The following PPP1R13B variants were observed in gnomAD, a reference collection of about 807,000 sequenced individuals.
PPP1R13B encodes apoptosis-stimulating of p53 protein 1.
Under a neutral mutation model 119.8 loss-of-function variants are expected in PPP1R13B, and 44 were observed. That is an observed-to-expected ratio of 0.37 (90% CI 0.29 to 0.47). PPP1R13B has a LOEUF of 0.47. Ranked by LOEUF, PPP1R13B falls within the 20% of genes least tolerant of loss-of-function variation. PPP1R13B has a pLI of 0.99. For synonymous variants in PPP1R13B, 542 were observed against 561.5 expected (o/e 0.97, Z 0.49); for missense variants, 1,227 against 1,413.5 (o/e 0.87, Z 2.12).
At position 103,746,635 on chromosome 14, in the gene PPP1R13B, G is replaced by A. The variant is rs932581956; in HGVS notation, c.970-82C>T. ...GCTTAGTGCAAGAGACTGCCAGCTC[G>A]GACAGAAAGCACTCACTCAGTGGTT... On this transcript the variant is annotated intron_variant, in intron 8 of 16. Transcript: ENST00000202556. The A allele has an allele frequency of 1.0e-5, 13 of 1,247,338 alleles. No individual in the cohort carries two copies. In the Admixed American group the frequency reaches 1.4e-4, roughly 14 times the overall value. 77.3% of individuals were successfully genotyped at this position (1,247,338 alleles called of 1,614,324 possible). A position where few individuals can be genotyped will look rare whatever the true frequency, so the allele number is the denominator to read the frequency against.
chr14:103,778,893 G>T, intron 3 of PPP1R13B, 72 bp from the exon 4 acceptor site: 1 of 1,170,172 alleles, frequency 8.5e-7, no homozygotes, highest in Non-Finnish European at 1.3e-6. Context: ...ATTTCTTCAT[G>T]TATTCAAATA....
intron 2 of PPP1R13B, among the ~76,000 whole-genome samples, chr14:103,785,215 C>T (rs2085430551): frequency 7.4e-6 from 1 of 135,744 alleles, no homozygotes; most frequent in African/African-American, 2.9e-5. Flanking sequence ...ACTGTGTCTC[C>T]CATTCATTTG....
At chr14:103,794,209 A>G (rs929428868) in intron 2 of PPP1R13B, among the ~76,000 whole-genome samples, 1 of 152,198 alleles carries the variant, frequency 6.6e-6, no homozygotes, top group Middle Eastern at 3.2e-3. Context: ...AAAATAATGC[A>G]CAGATCCACA....
intron 4 of PPP1R13B, chr14:103,764,563 T>C: frequency 4.5e-6 from 1 of 220,790 alleles, no homozygotes; most frequent in Non-Finnish European, 9.6e-6. Flanking sequence ...TCAGTAGACA[T>C]AAAATTACCC....
intron 1 of PPP1R13B, among the ~76,000 whole-genome samples, chr14:103,812,743 G>A (rs1231934425): frequency 6.6e-6 from 1 of 152,174 alleles, no homozygotes; most frequent in Admixed American, 6.5e-5. Flanking sequence ...ATGGGCAAAT[G>A]ATCTGAACAG....
intron 7 of PPP1R13B, among the ~76,000 whole-genome samples, chr14:103,752,596 G>A (rs536974494): frequency 4.7e-5 from 7 of 149,802 alleles, no homozygotes; most frequent in South Asian, 2.1e-4. Flanking sequence ...GTGCAGTGGC[G>A]CAATCTTGGC....
intron 4 of PPP1R13B, among the ~76,000 whole-genome samples, chr14:103,768,108 T>C (rs1282015888): frequency 7.1e-6 from 1 of 141,744 alleles, no homozygotes; most frequent in Admixed American, 7.1e-5. Flanking sequence ...GGTAGTCACC[T>C]GAGTGTCTTC....
At chr14:103,836,776 G>GAAAAAAA (rs11394353) in intron 1 of PPP1R13B, among the ~76,000 whole-genome samples, 1 of 114,832 alleles carries the variant, frequency 8.7e-6, no homozygotes, top group Non-Finnish European at 1.9e-5. Flanking sequence ...TCTCAGAAAA[G>GAAAAAAA]AAAAAAAAAA....
chr14:103,823,854 G>C (rs2086470277), intron 1 of PPP1R13B, among the ~76,000 whole-genome samples: 1 of 151,166 alleles, frequency 6.6e-6, no homozygotes, highest in South Asian at 2.1e-4. Flanking sequence ...TCAACCAATA[G>C]AGGAAATAAA....
intron 1 of PPP1R13B, among the ~76,000 whole-genome samples, chr14:103,802,202 G>C (rs565739005): frequency 6.6e-6 from 1 of 151,932 alleles, no homozygotes; most frequent in African/African-American, 2.4e-5. Flanking sequence ...TAGTAATATC[G>C]GGAGGCTGAG....
At chr14:103,830,078 G>A (rs2086634548) in intron 1 of PPP1R13B, among the ~76,000 whole-genome samples, 1 of 148,828 alleles carries the variant, frequency 6.7e-6, no homozygotes, top group African/African-American at 2.5e-5. Context: ...CGCCTGGCCT[G>A]TATTTTTATT....
chr14:103,783,686 A>T (rs1046742095), intron 3 of PPP1R13B, among the ~76,000 whole-genome samples: 2 of 152,032 alleles, frequency 1.3e-5, no homozygotes, highest in Non-Finnish European at 2.9e-5. Context: ...CAAGTAGCTG[A>T]GACTACAGGG....
chr14:103,847,895 C>T (rs1196108478), upstream of PPP1R13B, among the ~76,000 whole-genome samples: 1 of 151,748 alleles, frequency 6.6e-6, no homozygotes, highest in Non-Finnish European at 1.5e-5. Flanking sequence ...GCCCGGGTCC[C>T]GCAGCGGATC....
intron 2 of PPP1R13B, among the ~76,000 whole-genome samples, chr14:103,796,361 C>T (rs1392947327): frequency 6.6e-6 from 1 of 152,118 alleles, no homozygotes; most frequent in Non-Finnish European, 1.5e-5. Context: ...GGCCAATATA[C>T]ACATGAAAAG....
chr14:103,786,142 C>T (rs970842491), intron 2 of PPP1R13B, among the ~76,000 whole-genome samples: 4 of 152,044 alleles, frequency 2.6e-5, no homozygotes, highest in Non-Finnish European at 5.9e-5. Context: ...CGGGCTCAAG[C>T]GATCCTCCCA....
chr14:103,841,365 A>C (rs2086904157), intron 1 of PPP1R13B, among the ~76,000 whole-genome samples: 1 of 152,000 alleles, frequency 6.6e-6, no homozygotes, highest in Non-Finnish European at 1.5e-5. Flanking sequence ...AGGCGGGCAG[A>C]TCACTTGAAG....
Position 103,839,645 on chromosome 14 carries a change from C to A in PPP1R13B, c.9+7654G>T, listed in dbSNP as rs556149582. On this transcript the variant is annotated intron_variant, in intron 1 of 16. Transcript: ENST00000202556. ...TCTGCCTCAAAAAAAAAAAAAAAAT[C>A]TTTCTATCTCCTTTGTCATTACAAT... Among the ~76,000 whole-genome samples the A allele has an allele frequency of 4.2e-5, 6 of 143,720 alleles. No individual in the cohort carries two copies. The South Asian group carries it at 6.6e-4, about 16-fold the overall frequency. 94.3% of individuals were successfully genotyped at this position (143,720 alleles called of 152,430 possible).
At chr14:103,739,360 G>C in intron 12 of PPP1R13B, 1 of 340,084 alleles carries the variant, frequency 2.9e-6, no homozygotes, top group Non-Finnish European at 5.4e-6. Context: ...CCAGCAGCTC[G>C]TTCCTGCCCA....
chr14:103,738,955 G>A lies in PPP1R13B; in HGVS notation c.2661C>T (p.Asn887=). 8.7e-6 allele frequency: 14 copies of A among 1,614,112 alleles called. No homozygotes were observed. The highest frequency in any genetic ancestry group is 1.2e-5 in the Non-Finnish European group (14 of 1,180,014). ...ACGCGTCTAGGAGCAGTGCCAGGGG[G>A]TTAAACCGGACTCTCAGCCCGTGCC... ...RTGHGLRVRF[N]PLALLLDASL... is the part of the protein sequence containing the mutation. The change falls in exon 13 of 17, where the codon AAC becomes AAT. Residue 887 remains asparagine (N), a synonymous_variant. Coordinates refer to ENST00000202556, the MANE Select transcript of PPP1R13B (RefSeq NM_015316.3). This position sits in a 1 kb window ranked among gnomAD's most constrained non-coding sequence, Gnocchi z 5.6.
Sources: allele counts gnomAD v4.1 joint callset (sites outside exome capture counted in the v4.1 genomes callset), GRCh38; gene constraint gnomAD v4.1.1; non-coding constraint Gnocchi (gnomAD v3.1); transcripts MANE v1.5; gene names NCBI Gene and HGNC (gene_info 2026-07-23, HGNC 2026-07-21).